The following CHD6 variants were observed in gnomAD, a reference collection of about 807,000 sequenced individuals.
CHD6 encodes the protein ATP-dependent chromatin remodeler CHD6.
CHD6 carries 50 observed loss-of-function variants against 276.9 expected under a neutral mutation model. That is an observed-to-expected ratio of 0.18 (90% CI 0.14 to 0.23). The LOEUF is 0.23. Among genes scored for constraint, CHD6 ranks in the 10% least tolerant of loss-of-function variants. The pLI, the probability that CHD6 is intolerant of heterozygous loss-of-function variation, is 1.00. For synonymous variants in CHD6, 1,173 were observed against 1,229.3 expected, an observed-to-expected ratio of 0.95 and a Z score of 0.96; for missense variants, 2,564 against 3,365.8, an observed-to-expected ratio of 0.76 and a Z score of 5.89.
At chr20:41,417,079 TA>T in intron 32 of CHD6, 118 bp downstream of exon 32, 1 of 926,138 alleles carries the variant, frequency 1.1e-6, no homozygotes, top group Non-Finnish European at 1.6e-6. Flanking sequence ...TAATATCTTT[TA>T]AAGGTATTAA....
intron 1 of CHD6, 137 bp from the exon 2 acceptor site, chr20:41,551,497 C>T: frequency 3.6e-6 from 2 of 557,852 alleles, no homozygotes; most frequent in Non-Finnish European, 6.3e-6. Flanking sequence ...CCAACAACCT[C>T]CAGAGCCGTA....
chr20:41,579,247 C>G (rs1034158896), intron 1 of CHD6, among the ~76,000 whole-genome samples: 7 of 147,334 alleles, frequency 4.8e-5, no homozygotes, highest in Non-Finnish European at 1.0e-4. Flanking sequence ...CCAGCCCGAC[C>G]AACAGTGGCG....
chr20:41,575,856 TG>T (rs1292313359), intron 1 of CHD6, among the ~76,000 whole-genome samples: 1 of 152,090 alleles, frequency 6.6e-6, no homozygotes, highest in Non-Finnish European at 1.5e-5. Context: ...AACTATAAAG[TG>T]AAGCCAAAAT....
intron 27 of CHD6, among the ~76,000 whole-genome samples, chr20:41,427,593 G>A (rs571534235): frequency 6.6e-6 from 1 of 152,278 alleles, no homozygotes; most frequent in Non-Finnish European, 1.5e-5. Flanking sequence ...CTAACAAGCT[G>A]TCTAAAAAAG....
At chr20:41,426,055 C>T (rs770486509) in intron 28 of CHD6, 38 bp downstream of exon 28, 3 of 1,418,080 alleles carry the variant, frequency 2.1e-6, no homozygotes, top group Non-Finnish European at 3.0e-6. Flanking sequence ...CAAACTAAGA[C>T]CTTACTTTCC....
Position 41,493,600 on chromosome 20 carries a change from C to T in CHD6, c.1252G>A (p.Val418Ile), listed in dbSNP as rs2043609478. ...EESTWELEED[V>I]DPAKVKEFES... Reference sequence around the variant, plus strand: ...AATTCTTTAACTTTTGCAGGATCTACATCTTCCTCTAGCTCCCACGTGCTT... The same window carrying T: ...AATTCTTTAACTTTTGCAGGATCTATATCTTCCTCTAGCTCCCACGTGCTT... Residue 418 changes from valine to isoleucine, a missense_variant, in exon 10 of 37, where the codon GTA (valine) becomes ATA (isoleucine). Transcript: ENST00000373233. The T allele has an allele frequency of 1.2e-6, 2 of 1,613,836 alleles. No homozygotes were observed. The highest frequency in any genetic ancestry group is 1.7e-6 in the Non-Finnish European group (2 of 1,179,754).
chr20:41,514,116 G>C (rs1306301854), intron 4 of CHD6, among the ~76,000 whole-genome samples: 1 of 152,168 alleles, frequency 6.6e-6, no homozygotes, highest in Non-Finnish European at 1.5e-5. Context: ...TTTCCTACAG[G>C]GAAGAGCAGT....
Position 41,450,182 on chromosome 20 carries a change from A to G in CHD6, c.3683+764T>C, listed in dbSNP as rs199811509. On this transcript the variant is annotated intron_variant, in intron 23 of 36. Coordinates refer to ENST00000373233, the MANE Select transcript of CHD6 (RefSeq NM_032221.5). ...TACAAAATCATTAAGAAGATGTTAT[A>G]GGGAGACGGGAAAACCCAAGCAAAA... Among the ~76,000 whole-genome samples the G allele has an allele frequency of 4.6e-5, 7 of 152,258 alleles. No homozygotes were observed. The East Asian group carries it at 1.3e-3, about 29-fold the overall frequency.
At chr20:41,551,748 G>A (rs2045149993) in intron 1 of CHD6, among the ~76,000 whole-genome samples, 1 of 152,158 alleles carries the variant, frequency 6.6e-6, no homozygotes, top group Non-Finnish European at 1.5e-5. Context: ...AATCAATGAT[G>A]TCTACAATGG....
At chr20:41,540,275 T>C (rs546707615) in intron 2 of CHD6, among the ~76,000 whole-genome samples, 47 of 152,234 alleles carry the variant, frequency 3.1e-4, no homozygotes, top group African/African-American at 1.1e-3. Context: ...TAAACAGAAA[T>C]GGCAATAAAT....
intron 2 of CHD6, among the ~76,000 whole-genome samples, chr20:41,548,080 C>T (rs972649595): frequency 4.6e-5 from 7 of 152,212 alleles, no homozygotes; most frequent in African/African-American, 1.7e-4. Context: ...CTCTATTAGG[C>T]ACTGAATTCT....
chr20:41,420,709 C>A lies in CHD6; in HGVS notation c.5926G>T (p.Ala1976Ser). ...DLFKSKTNTI[A>S]MEGEPTAIPS... is the part of the protein sequence containing the mutation. ...ATAGCAGTGGGTTCACCCTCCATGG[C>A]GATAGTATTGGTTTTACTTTTGAAC... The change falls in exon 31 of 37, where the codon GCC becomes TCC. Residue 1976 changes from alanine (A) to serine (S), a missense_variant. Transcript: ENST00000373233. 1 of 1,614,186 alleles carries A rather than the reference C, an allele frequency of 6.2e-7. No individual in the cohort carries two copies. The highest frequency in any genetic ancestry group is 8.5e-7 in the Non-Finnish European group (1 of 1,180,038).
chr20:41,613,377 T>A (rs1171018296), intron 1 of CHD6, among the ~76,000 whole-genome samples: 8 of 152,212 alleles, frequency 5.3e-5, no homozygotes, highest in Admixed American at 4.6e-4. Flanking sequence ...TCCCCTCTAG[T>A]CCCATCTGCA....
Position 41,509,806 on chromosome 20 carries a change from C to T in CHD6, c.852+3040G>A, listed in dbSNP as rs545474039. 6.6e-5 allele frequency among the ~76,000 whole-genome samples: 10 copies of T among 152,314 alleles called. 1 individual carries two copies. Among genetic ancestry groups the T allele is most frequent in the African/African-American group, 2.4e-4 (10 of 41,582 alleles). On this transcript the variant is annotated intron_variant, in intron 5 of 36. Transcript: ENST00000373233. ...CAAAGAATAAGAAAATAAAGAGTCA[C>T]ATTTAGGATGGAAACTTACTTCCTG...
chr20:41,543,047 T>A (rs1180375320), intron 2 of CHD6, among the ~76,000 whole-genome samples: 1 of 143,136 alleles, frequency 7.0e-6, no homozygotes, highest in Non-Finnish European at 1.5e-5. Context: ...GAGATTGCGG[T>A]GAGCCAAGAT....
intron 1 of CHD6, among the ~76,000 whole-genome samples, chr20:41,559,602 TC>T (rs1368917216): frequency 6.6e-6 from 1 of 152,096 alleles, no homozygotes; most frequent in African/African-American, 2.4e-5. Flanking sequence ...CTCCCTAGAA[TC>T]CTCCTATTAT....
intron 1 of CHD6, among the ~76,000 whole-genome samples, chr20:41,566,435 G>A (rs1433189943): frequency 1.3e-5 from 2 of 152,060 alleles, no homozygotes; most frequent in Non-Finnish European, 2.9e-5. Context: ...TAAAATTCAG[G>A]CCCAATATTA....
chr20:41,442,442 A>T (rs2047930119), intron 25 of CHD6, among the ~76,000 whole-genome samples: 1 of 152,126 alleles, frequency 6.6e-6, no homozygotes, highest in Admixed American at 6.6e-5. Context: ...ACAGAGTGAG[A>T]CCCTGTCTCT....
At chr20:41,540,723 G>A (rs1225259105) in intron 2 of CHD6, among the ~76,000 whole-genome samples, 1 of 152,156 alleles carries the variant, frequency 6.6e-6, no homozygotes, top group African/African-American at 2.4e-5. Context: ...GCTGGCTTTG[G>A]AGTCTTCTAT....
Sources: allele counts gnomAD v4.1 joint callset (sites outside exome capture counted in the v4.1 genomes callset), GRCh38; gene constraint gnomAD v4.1.1; transcripts MANE v1.5; gene names NCBI Gene and HGNC (gene_info 2026-07-23, HGNC 2026-07-21).